PCDH17: variants seen among roughly 807,000 people sequenced by gnomAD.
PCDH17 encodes protocadherin 17.
Under a neutral mutation model 67.7 loss-of-function variants are expected in PCDH17, and 21 were observed. The observed-to-expected ratio is 0.31, with a 90% confidence interval of 0.22 to 0.45. PCDH17 has a LOEUF of 0.45. Ranked by LOEUF, PCDH17 falls within the 20% of genes least tolerant of loss-of-function variation. PCDH17 has a pLI of 1.00. For missense variants in PCDH17, 1,471 were observed against 1,564.8 expected (o/e 0.94, Z 1.01); for synonymous variants, 701 against 656.7 (o/e 1.07, Z -1.03).
chr13:57,670,745 T>TGA (rs1955310321), intron 3 of PCDH17, among the ~76,000 whole-genome samples: 1 of 151,840 alleles, frequency 6.6e-6, no homozygotes, highest in Non-Finnish European at 1.5e-5. Context: ...TTAGGCCTTT[T>TGA]GAGATTTTAT....
At chr13:57,711,379 C>G (rs1019272558) in intron 3 of PCDH17, among the ~76,000 whole-genome samples, 1 of 151,726 alleles carries the variant, frequency 6.6e-6, no homozygotes, top group South Asian at 2.1e-4. Flanking sequence ...GTAAATTAAG[C>G]CTTATTTTAT....
At chr13:57,647,093 A>T (rs1954974495) in intron 1 of PCDH17, among the ~76,000 whole-genome samples, 1 of 151,848 alleles carries the variant, frequency 6.6e-6, no homozygotes, top group South Asian at 2.1e-4. Context: ...CTTTTAAAAA[A>T]TACAGCTTGG....
chr13:57,700,464 G>A (rs544288745), intron 3 of PCDH17, among the ~76,000 whole-genome samples: 18 of 151,850 alleles, frequency 1.2e-4, no homozygotes, highest in Admixed American at 1.1e-3. Context: ...GACTACAGGC[G>A]CGTGCCACCA....
chr13:57,696,066 C>T (rs951004683), intron 3 of PCDH17, among the ~76,000 whole-genome samples: 1 of 151,286 alleles, frequency 6.6e-6, no homozygotes, highest in Non-Finnish European at 1.5e-5. Context: ...TGTATTGATA[C>T]ATGGGAAAAC....
At chr13:57,676,785 A>T (rs1955395357) in intron 3 of PCDH17, among the ~76,000 whole-genome samples, 1 of 151,860 alleles carries the variant, frequency 6.6e-6, no homozygotes, top group Non-Finnish European at 1.5e-5. Flanking sequence ...TTTCCAGCCA[A>T]GTATAATTGA....
rs1954741087 is a variant in PCDH17, at chr13:57,632,586, C to T, written c.40C>T (p.Pro14Ser). The change falls in exon 1 of 4, where the codon CCT becomes TCT. Residue 14 changes from proline (P) to serine (S), a missense_variant. Around this residue, in one of 3 missense-constraint regions of PCDH17, gnomAD observed 1,163 missense variants for 1,230.0 expected, o/e 0.95. Transcript: ENST00000377918. ...SICCCFLLWA[P>S]ALTLKNLNYS... The stretch of plus-strand genomic sequence containing the variant: ...CTGTTGCTGCTTTCTTCTATGGGCC[C>T]CTGCCCTCACTCTCAAGAACCTCAA... 6.2e-7 allele frequency: 1 copy of T among 1,613,904 alleles called. No individual in the cohort carries two copies. Among genetic ancestry groups the T allele is most frequent in the Non-Finnish European group, 8.5e-7 (1 of 1,179,936 alleles).
chr13:57,725,081 C>T lies in PCDH17; in HGVS notation c.3267C>T (p.Pro1089=). 3.7e-6 allele frequency: 6 copies of T among 1,614,052 alleles called. No individual in the cohort carries two copies. The highest frequency in any genetic ancestry group is 5.1e-6 in the Non-Finnish European group (6 of 1,180,008). The change falls in exon 4 of 4, where the codon CCC becomes CCT. Residue 1089 remains proline (P), a synonymous_variant. Coordinates refer to ENST00000377918, the MANE Select transcript of PCDH17 (RefSeq NM_001040429.3). ...CTAGTAAGCAACCAAGAGACCCTCC[C>T]TTCATGGCTTCCGATCAGATGGCAA... ...LSPSKQPRDP[P]FMASDQMARV...
intron 1 of PCDH17, among the ~76,000 whole-genome samples, chr13:57,641,572 AAAAAAAAAAAAAAAAAT>A (rs1391422866): frequency 8.8e-4 from 39 of 44,324 alleles, no homozygotes; most frequent in African/African-American, 2.7e-3. Flanking sequence ...AAAAAAAAAA[AAAAAAAAAAAAAAAAAT>A]ATATATATAT....
In PCDH17 at chr13:57,633,641, C is replaced by A. The variant is rs1593887091; in HGVS notation, c.1095C>A (p.Ala365=). The change falls in exon 1 of 4, where the codon GCC becomes GCA. Residue 365 remains alanine (A), a synonymous_variant. Coordinates refer to ENST00000377918, the MANE Select transcript of PCDH17 (RefSeq NM_001040429.3). This position sits in a 1 kb window ranked among gnomAD's most constrained non-coding sequence, Gnocchi z 6.2. The part of the protein sequence containing the change: ...SVRQGALSEA[A]PPGTVIALVR... ...GCCAGGGGGCGCTGAGCGAGGCCGC[C>A]CCTCCCGGCACCGTCATCGCCCTGG... The A allele has an allele frequency of 6.2e-7, 1 of 1,608,798 alleles. No individual in the cohort carries two copies. Among genetic ancestry groups the A allele is most frequent in the South Asian group, 1.1e-5 (1 of 91,084 alleles).
At chr13:57,666,965 AG>A in intron 3 of PCDH17, 132 bp downstream of exon 3, 1 of 677,010 alleles carries the variant, frequency 1.5e-6, no homozygotes, top group African/African-American at 1.8e-5. Flanking sequence ...GCAAATCTTG[AG>A]GTTGCCCCAG....
intron 3 of PCDH17, among the ~76,000 whole-genome samples, chr13:57,715,782 T>C (rs1317395282): frequency 6.6e-6 from 1 of 151,946 alleles, no homozygotes; most frequent in East Asian, 1.9e-4. Flanking sequence ...ACTCTCCATT[T>C]TCTGATTTTC....
Position 57,671,893 on chromosome 13 carries a change from G to A in PCDH17, c.2797+5060G>A, listed in dbSNP as rs925683484. Among the ~76,000 whole-genome samples, 6 of 152,010 alleles carry A rather than the reference G, an allele frequency of 3.9e-5. No homozygotes were observed. The East Asian group carries it at 5.8e-4, about 15-fold the overall frequency. On this transcript the variant is annotated intron_variant, in intron 3 of 3. Transcript: ENST00000377918. ...GGTGGCCGGCCGTCAGTCCCTTCCCGGTGACTGGATTCAAGGACTTCTCTG... is the reference window on the plus strand; with the variant it reads ...GGTGGCCGGCCGTCAGTCCCTTCCCAGTGACTGGATTCAAGGACTTCTCTG...
Position 57,725,416 on chromosome 13 carries a change from T to C in PCDH17, c.*122T>C. On this transcript the variant is annotated 3_prime_UTR_variant, in exon 4 of 4. Coordinates refer to ENST00000377918, the MANE Select transcript of PCDH17 (RefSeq NM_001040429.3). ...AAGACCAATGCTGCTTTAAGGCTTTTAGTGAACATCTGAAGTGCCCACAAG... is the reference window on the plus strand; with the variant it reads ...AAGACCAATGCTGCTTTAAGGCTTTCAGTGAACATCTGAAGTGCCCACAAG... 1 of 805,986 alleles carries C rather than the reference T, an allele frequency of 1.2e-6. No individual in the cohort carries two copies. The highest frequency in any genetic ancestry group is 1.9e-6 in the Non-Finnish European group (1 of 518,480). 49.9% of individuals were successfully genotyped at this position (805,986 alleles called of 1,614,324 possible). A position where few individuals can be genotyped will look rare whatever the true frequency, so the allele number is the denominator to read the frequency against.
intron 3 of PCDH17, among the ~76,000 whole-genome samples, chr13:57,708,032 C>T (rs1228648067): frequency 6.6e-6 from 1 of 151,964 alleles, no homozygotes; most frequent in Non-Finnish European, 1.5e-5. Flanking sequence ...AGTACACAGC[C>T]TATAGCTGTT....
At chr13:57,662,004 C>T (rs190728642) in intron 1 of PCDH17, among the ~76,000 whole-genome samples, 1 of 152,214 alleles carries the variant, frequency 6.6e-6, no homozygotes, top group East Asian at 1.9e-4. Context: ...GGATTACAGG[C>T]ATGTGCCTTG....
At chr13:57,692,763 G>T (rs893100134) in intron 3 of PCDH17, among the ~76,000 whole-genome samples, 5 of 150,854 alleles carry the variant, frequency 3.3e-5, no homozygotes, top group Non-Finnish European at 7.4e-5. Context: ...GAAAAGCTTG[G>T]TTAGCTTTCC....
rs899016048 is a variant in PCDH17, at chr13:57,698,248, C to T, written c.2798-26364C>T. On this transcript the variant is annotated intron_variant, in intron 3 of 3. Transcript: ENST00000377918. ...ATAAAGATATATACATATAGATATA[C>T]ACACACACACATAGAGTTTGTCTTG... Among the ~76,000 whole-genome samples the T allele has an allele frequency of 8.0e-5, 12 of 150,808 alleles. No individual in the cohort carries two copies. The East Asian group carries it at 9.7e-4, about 12-fold the overall frequency.
At chr13:57,714,076 T>G (rs1055016746) in intron 3 of PCDH17, among the ~76,000 whole-genome samples, 1 of 151,598 alleles carries the variant, frequency 6.6e-6, no homozygotes, top group African/African-American at 2.4e-5. Flanking sequence ...ATTAAAATAT[T>G]AAAAACATTC....
chr13:57,717,078 A>G (rs747433361), intron 3 of PCDH17, among the ~76,000 whole-genome samples: 1 of 151,910 alleles, frequency 6.6e-6, no homozygotes, highest in African/African-American at 2.4e-5. Flanking sequence ...CTGGTGGTAT[A>G]ATATTGAGCT....
Sources: gnomAD v4.1 joint callset for allele counts (sites outside exome capture counted in the v4.1 genomes callset) on GRCh38, gnomAD v4.1.1 for gene constraint, gnomAD v4.1.1 regional missense constraint, Gnocchi (gnomAD v3.1) non-coding constraint, MANE v1.5 for transcripts, NCBI Gene and HGNC (gene_info 2026-07-23, HGNC 2026-07-21) for gene names.